The following PARD6G variants were observed in gnomAD, a reference collection of about 807,000 sequenced individuals.
PARD6G encodes the protein partitioning defective 6 homolog gamma.
PARD6G carries 7 observed loss-of-function variants against 10.7 expected under a neutral mutation model. The observed-to-expected ratio is 0.66, with a 90% CI of 0.37 to 1.23. PARD6G has a LOEUF of 1.23. Among genes scored for constraint, PARD6G ranks in the 50% most tolerant of loss-of-function variants. The pLI is 0.02. For missense variants in PARD6G, 548 were observed against 571.8 expected (o/e 0.96, Z 0.42); for synonymous variants, 287 against 269.4 (o/e 1.07, Z -0.64).
At chr18:80,169,955 C>T (rs1023056858) in intron 2 of PARD6G, 1 of 152,262 alleles carries the variant, frequency 6.6e-6, no homozygotes, top group African/African-American at 2.4e-5. Context: ...GAGAGCACGT[C>T]TCCGTCCCTC....
chr18:80,220,338 C>A (rs1967215678), intron 1 of PARD6G, among the ~76,000 whole-genome samples: 1 of 152,106 alleles, frequency 6.6e-6, no homozygotes, highest in Non-Finnish European at 1.5e-5. Flanking sequence ...GACTACAACT[C>A]AAGATGAAAC....
chr18:80,219,778 T>C (rs1329059829), intron 1 of PARD6G, among the ~76,000 whole-genome samples: 2 of 152,178 alleles, frequency 1.3e-5, no homozygotes, highest in Non-Finnish European at 2.9e-5. Context: ...TATCAGCATT[T>C]TGGTTAAAGC....
chr18:80,160,045 T>C lies in PARD6G; in HGVS notation c.857A>G (p.Gln286Arg). The change falls in exon 3 of 3, where the codon CAG becomes CGG. Residue 286 changes from glutamine (Q) to arginine (R), a missense_variant. By Grantham distance (43) the Gln-to-Arg change is conservative. Around this residue, in one of 2 missense-constraint regions of PARD6G, gnomAD observed 313 missense variants for 279.9 expected, o/e 1.12. Transcript: ENST00000353265. Reference sequence around the variant, plus strand: ...CTCCGCCTCGTCGGGGTGGAAGTTCTGCAGGACGCGCGGGGCGGGGGGACC... The same window carrying C: ...CTCCGCCTCGTCGGGGTGGAAGTTCCGCAGGACGCGCGGGGCGGGGGGACC... Reference protein sequence around the residue: ...FVGPPAPRVLQNFHPDEAESD... With the variant: ...FVGPPAPRVLRNFHPDEAESD... 6.5e-7 allele frequency: 1 copy of C among 1,546,460 alleles called. No individual in the cohort carries two copies. Among genetic ancestry groups the C allele is most frequent in the Admixed American group, 2.0e-5 (1 of 50,784 alleles).
chr18:80,159,511 T>C lies in PARD6G; in HGVS notation c.*260A>G. On this transcript the variant is annotated 3_prime_UTR_variant, in exon 3 of 3. Coordinates refer to ENST00000353265, the MANE Select transcript of PARD6G (RefSeq NM_032510.4). ...GCATTTTTTTGCACTTGGTCAGATCTTTTCTATCACTTTGCAAAGGCGCCA... is the reference window on the plus strand; with the variant it reads ...GCATTTTTTTGCACTTGGTCAGATCCTTTCTATCACTTTGCAAAGGCGCCA... The C allele has an allele frequency of 2.4e-6, 1 of 420,912 alleles. No homozygotes were observed. 26.1% of individuals were successfully genotyped at this position (420,912 alleles called of 1,614,324 possible).
At chr18:80,194,548 A>C (rs1488047063) in intron 2 of PARD6G, among the ~76,000 whole-genome samples, 1 of 152,198 alleles carries the variant, frequency 6.6e-6, no homozygotes, top group Non-Finnish European at 1.5e-5. Flanking sequence ...GTTCTCAGGC[A>C]GAGGTTCATA....
intron 2 of PARD6G, chr18:80,162,083 C>T (rs1247679417): frequency 6.6e-6 from 1 of 152,228 alleles, no homozygotes; most frequent in African/African-American, 2.4e-5. Context: ...ATGCTCCAGG[C>T]AGCAGGGTTA....
chr18:80,201,580 T>A lies in PARD6G; in HGVS notation c.295+1130A>T, dbSNP rs1032202086. Among the ~76,000 whole-genome samples the A allele has an allele frequency of 6.6e-6, 1 of 152,102 alleles. No individual in the cohort carries two copies. The highest frequency in any genetic ancestry group is 2.4e-5 in the African/African-American group (1 of 41,434). On this transcript the variant is annotated intron_variant, in intron 2 of 2. Coordinates refer to ENST00000353265, the MANE Select transcript of PARD6G (RefSeq NM_032510.4). The surrounding 1 kb of genome is among the most constrained non-coding windows in gnomAD (Gnocchi z 5.9). ...CCCAGTGAGAACTGCAGATGCAGAG[T>A]GTTCTGATCTTGTGCCAGAGAATCT...
rs186321674 is a variant in PARD6G at position 80,164,461 on chromosome 18, C to T, written c.296-3855G>A. On this transcript the variant is annotated intron_variant, in intron 2 of 2. Transcript: ENST00000353265. ...AACTTTCATGGTTGGGTGTTTCCAC[C>T]GGGTCCACACTGCTCTTCACGTCAC... Among the ~76,000 whole-genome samples the T allele has an allele frequency of 1.6e-3, 240 of 152,058 alleles. 2 individuals are homozygous for T. Among genetic ancestry groups the T allele is most frequent in the African/African-American group, 5.3e-3 (218 of 41,454 alleles).
chr18:80,222,455 T>A (rs1445109749), intron 1 of PARD6G, among the ~76,000 whole-genome samples: 1 of 152,146 alleles, frequency 6.6e-6, no homozygotes, highest in African/African-American at 2.4e-5. Context: ...TACAACCCCA[T>A]CAGAATCTTA....
Position 80,184,616 on chromosome 18 carries a change from G to A in PARD6G, c.295+18094C>T, listed in dbSNP as rs1044339708. On this transcript the variant is annotated intron_variant, in intron 2 of 2. Coordinates refer to ENST00000353265, the MANE Select transcript of PARD6G (RefSeq NM_032510.4). The surrounding 1 kb of genome is among the most constrained non-coding windows in gnomAD (Gnocchi z 4.5). ...GAGGCGCGGAAACAGGCCATGACACGGACGAGCCACACCATGGATGACCCC... is the reference window on the plus strand; with the variant it reads ...GAGGCGCGGAAACAGGCCATGACACAGACGAGCCACACCATGGATGACCCC... The A allele has an allele frequency of 2.0e-5, 3 of 152,338 alleles. No homozygotes were observed. Among genetic ancestry groups the A allele is most frequent in the African/African-American group, 4.8e-5 (2 of 41,446 alleles). 9.4% of individuals were successfully genotyped at this position (152,338 alleles called of 1,614,324 possible). A position where few individuals can be genotyped will look rare whatever the true frequency, so the allele number is the denominator to read the frequency against.
At chr18:80,224,407 C>T (rs1197127182) in intron 1 of PARD6G, among the ~76,000 whole-genome samples, 1 of 152,198 alleles carries the variant, frequency 6.6e-6, no homozygotes, top group African/African-American at 2.4e-5. Context: ...ACTGCCTGGG[C>T]CCTGATTCAG....
chr18:80,177,087 CA>C, intron 2 of PARD6G, among the ~76,000 whole-genome samples: 1 of 150,598 alleles, frequency 6.6e-6, no homozygotes, highest in Non-Finnish European at 1.5e-5. Flanking sequence ...AGCGCGCACA[CA>C]CACACACACG....
chr18:80,159,937 C>A lies in PARD6G; in HGVS notation c.965G>T (p.Ser322Ile). The A allele has an allele frequency of 6.6e-7, 1 of 1,504,882 alleles. No individual in the cohort carries two copies. Among genetic ancestry groups the A allele is most frequent in the South Asian group, 1.3e-5 (1 of 77,506 alleles). 93.2% of individuals were successfully genotyped at this position (1,504,882 alleles called of 1,614,324 possible). Residue 322 changes from serine (S) to isoleucine (I), a missense_variant, in exon 3 of 3, where the codon AGC becomes ATC. Ser to Ile is a moderately radical substitution (Grantham distance 142). Around this residue, in one of 2 missense-constraint regions of PARD6G, gnomAD observed 313 missense variants for 279.9 expected, o/e 1.12. Coordinates refer to ENST00000353265, the MANE Select transcript of PARD6G (RefSeq NM_032510.4). ...PPQTPGAPAG[S>I]LSRVNGAGLA... ...GCCCGCGCCATTGACCCGGGAGAGG[C>A]TGCCTGCGGGCGCGCCCGGGGTCTG...
chr18:80,188,488 C>T lies in PARD6G; in HGVS notation c.295+14222G>A, dbSNP rs1449600211. 6.6e-6 allele frequency among the ~76,000 whole-genome samples: 1 copy of T among 152,174 alleles called. No individual in the cohort carries two copies. The highest frequency in any genetic ancestry group is 2.4e-5 in the African/African-American group (1 of 41,438). On this transcript the variant is annotated intron_variant, in intron 2 of 2. Coordinates refer to ENST00000353265, the MANE Select transcript of PARD6G (RefSeq NM_032510.4). The surrounding 1 kb of genome is among the most constrained non-coding windows in gnomAD (Gnocchi z 5.4). Reference sequence around the variant, plus strand: ...CTGGGCAGCAGAAGTTGCCCTGCCCCAAGTTCTGACAGCCCAAAACCCGGC... The same window carrying T: ...CTGGGCAGCAGAAGTTGCCCTGCCCTAAGTTCTGACAGCCCAAAACCCGGC...
Position 80,192,771 on chromosome 18 carries a change from A to T in PARD6G, c.295+9939T>A, listed in dbSNP as rs533521194. Among the ~76,000 whole-genome samples, 28 of 152,204 alleles carry T rather than the reference A, an allele frequency of 1.8e-4. No homozygotes were observed. In the East Asian group the frequency reaches 4.5e-3, roughly 24 times the overall value. ...CAGTCCCAAATCTCCACTGTTCATTATCTCCTCCTCACAGTCCCCACGCTG... is the reference window on the plus strand; with the variant it reads ...CAGTCCCAAATCTCCACTGTTCATTTTCTCCTCCTCACAGTCCCCACGCTG... On this transcript the variant is annotated intron_variant, in intron 2 of 2. Transcript: ENST00000353265. The surrounding 1 kb of genome is among the most constrained non-coding windows in gnomAD (Gnocchi z 4.9).
intron 2 of PARD6G, among the ~76,000 whole-genome samples, chr18:80,193,401 A>T (rs529812574): frequency 6.6e-6 from 1 of 152,318 alleles, no homozygotes; most frequent in Non-Finnish European, 1.5e-5. Context: ...GACCATAGAT[A>T]TATCAGTTAT....
chr18:80,204,718 G>A (rs1375259885), intron 1 of PARD6G, among the ~76,000 whole-genome samples: 2 of 152,120 alleles, frequency 1.3e-5, no homozygotes, highest in Admixed American at 1.3e-4. Context: ...GGAGGCCAAG[G>A]CGGGCAGATT....
At chr18:80,171,374 T>A (rs1356939786) in intron 2 of PARD6G, 1 of 152,082 alleles carries the variant, frequency 6.6e-6, no homozygotes, top group East Asian at 1.9e-4. Flanking sequence ...CCAGGCCCCA[T>A]CCCTCCCCGA....
At chr18:80,199,019 C>A (rs1966983859) in intron 2 of PARD6G, among the ~76,000 whole-genome samples, 1 of 152,250 alleles carries the variant, frequency 6.6e-6, no homozygotes, top group African/African-American at 2.4e-5. Context: ...CCTCCCAATT[C>A]TCCCCACCTC....
Sources: gnomAD v4.1 joint callset for allele counts (sites outside exome capture counted in the v4.1 genomes callset) on GRCh38, gnomAD v4.1.1 for gene constraint, gnomAD v4.1.1 regional missense constraint, Gnocchi (gnomAD v3.1) non-coding constraint, MANE v1.5 for transcripts, NCBI Gene and HGNC (gene_info 2026-07-23, HGNC 2026-07-21) for gene names.